Variants in KPNA4 observed in about 807,000 individuals in gnomAD.
KPNA4 encodes karyopherin subunit alpha 4.
Under a neutral mutation model 71.3 loss-of-function variants are expected in KPNA4, and 13 were observed. The observed-to-expected ratio is 0.18, with a 90% confidence interval of 0.12 to 0.29. The LOEUF is 0.29. Among genes scored for constraint, KPNA4 ranks in the 10% least tolerant of loss-of-function variants. The pLI is 1.00. For synonymous variants in KPNA4, 189 were observed against 195.2 expected, an observed-to-expected ratio of 0.97 and a Z score of 0.26; for missense variants, 334 against 603.2, an observed-to-expected ratio of 0.55 and a Z score of 4.67.
Position 160,516,161 on chromosome 3 carries a change from A to AT in KPNA4, c.904-582dup, listed in dbSNP as rs569910520. Among the ~76,000 whole-genome samples the AT allele has an allele frequency of 1.3e-4, 19 of 144,922 alleles. 1 individual carries two copies. The highest frequency in any genetic ancestry group is 4.4e-4 in the South Asian group (2 of 4,554). On this transcript the variant is annotated intron_variant, in intron 11 of 16. Transcript: ENST00000334256. ...GCCACCATACCTGGCTAATTCTGTAATTTTTTTTTTAGGAGAGATGGGGTT... is the reference window on the plus strand; with the variant it reads ...GCCACCATACCTGGCTAATTCTGTAATTTTTTTTTTTAGGAGAGATGGGGTT...
chr3:160,535,324 A>C (rs1721666306), intron 5 of KPNA4, among the ~76,000 whole-genome samples, 189 bp downstream of exon 5: 1 of 152,204 alleles, frequency 6.6e-6, no homozygotes. Flanking sequence ...AATTGTTTAA[A>C]AAACTGTCAC....
In KPNA4 at chr3:160,530,025, C is replaced by T. The variant is rs373104740; in HGVS notation, c.469+830G>A. Among the ~76,000 whole-genome samples, 5 of 147,502 alleles carry T rather than the reference C, an allele frequency of 3.4e-5. No individual in the cohort carries two copies. The East Asian group carries it at 1.0e-3, about 30-fold the overall frequency. ...TGGTGGGCGCCTGTAGCCCCAGGTA[C>T]TTGGGAGACGGAAGCAGGAGAATGG... On this transcript the variant is annotated intron_variant, in intron 7 of 16. Coordinates refer to ENST00000334256, the MANE Select transcript of KPNA4 (RefSeq NM_002268.5).
At chr3:160,513,804 C>T (rs192725784) in intron 13 of KPNA4, among the ~76,000 whole-genome samples, 31 of 152,014 alleles carry the variant, frequency 2.0e-4, no homozygotes, top group South Asian at 6.2e-4. Context: ...TCAACAGTAA[C>T]GATATGAAAG....
At chr3:160,556,896 C>T (rs902657140) in intron 1 of KPNA4, among the ~76,000 whole-genome samples, 1 of 152,186 alleles carries the variant, frequency 6.6e-6, no homozygotes, top group East Asian at 1.9e-4. Context: ...AAATGAACAT[C>T]TCCACATAAT....
intron 7 of KPNA4, among the ~76,000 whole-genome samples, chr3:160,529,329 A>AT (rs1375121144): frequency 6.6e-6 from 1 of 152,166 alleles, no homozygotes; most frequent in Non-Finnish European, 1.5e-5. Flanking sequence ...GAGAGCATAC[A>AT]TAACAGAAAG....
chr3:160,540,466 T>C (rs1379421659), intron 1 of KPNA4, among the ~76,000 whole-genome samples: 3 of 152,132 alleles, frequency 2.0e-5, no homozygotes, highest in African/African-American at 7.2e-5. Flanking sequence ...AATAAGAGAT[T>C]TGACAATCCC....
intron 1 of KPNA4, among the ~76,000 whole-genome samples, chr3:160,551,739 C>T (rs1722043400): frequency 6.6e-6 from 1 of 151,180 alleles, no homozygotes; most frequent in Non-Finnish European, 1.5e-5. Flanking sequence ...GCCTGAAATG[C>T]CTAGCTAATT....
At chr3:160,506,466 C>T (rs969761719) in intron 15 of KPNA4, among the ~76,000 whole-genome samples, 2 of 152,066 alleles carry the variant, frequency 1.3e-5, no homozygotes, top group African/African-American at 4.8e-5. Flanking sequence ...CCACTGTGCC[C>T]GGCCATAAAT....
In KPNA4 at chr3:160,531,509, T is replaced by C; in HGVS notation, c.336A>G (p.Lys112=). The C allele has an allele frequency of 6.3e-7, 1 of 1,591,860 alleles. No individual in the cohort carries two copies. The highest frequency in any genetic ancestry group is 8.6e-7 in the Non-Finnish European group (1 of 1,169,266). Residue 112 remains lysine, a synonymous_variant, in exon 6 of 17, where the codon AAA becomes AAG. Coordinates refer to ENST00000334256, the MANE Select transcript of KPNA4 (RefSeq NM_002268.5). ...GGACTAAAATGGGCAATATTCCAGA[T>C]TTTATTAAGTCATCAATTGGTGGAT... ...DRNPPIDDLI[K]SGILPILVHC...
chr3:160,500,723 TG>T lies in KPNA4; in HGVS notation c.*1380del, dbSNP rs1216018968. The T allele has an allele frequency of 6.6e-6, 1 of 152,604 alleles. No homozygotes were observed. Among genetic ancestry groups the T allele is most frequent in the East Asian group, 1.9e-4 (1 of 5,204 alleles). 9.5% of individuals were successfully genotyped at this position (152,604 alleles called of 1,614,324 possible). A position where few individuals can be genotyped will look rare whatever the true frequency, so the allele number is the denominator to read the frequency against. On this transcript the variant is annotated 3_prime_UTR_variant, in exon 17 of 17. Transcript: ENST00000334256. ...TAAGATAAAAAGATTCTAAAACAAT[TG>T]AACAGATTAGGCATATTATTAAAGG...
chr3:160,537,332 C>T (rs962712502), intron 1 of KPNA4, among the ~76,000 whole-genome samples: 3 of 151,492 alleles, frequency 2.0e-5, no homozygotes, highest in Non-Finnish European at 4.4e-5. Flanking sequence ...TCTATCTATC[C>T]TGTTTTTTAC....
chr3:160,518,068 A>T lies in KPNA4; in HGVS notation c.904-2488T>A, dbSNP rs560350705. ...TAGGGTCATAAAAATTTATGCCTGT[A>T]TTTTTCTTCTAAGAGGTTTAAATTT... On this transcript the variant is annotated intron_variant, in intron 11 of 16. Transcript: ENST00000334256. 1.2e-4 allele frequency among the ~76,000 whole-genome samples: 18 copies of T among 147,018 alleles called. No homozygotes were observed. The South Asian group carries it at 3.6e-3, about 30-fold the overall frequency.
rs1392715614 is a variant in KPNA4 at position 160,497,831 on chromosome 3, A to C, written c.*4273T>G. On this transcript the variant is annotated 3_prime_UTR_variant, in exon 17 of 17. Transcript: ENST00000334256. ...CCAAACCCGAGGAGTTAACAATTAA[A>C]GTTGGCCTATTTATAGTTCACTTTA... 2 of 152,196 alleles carry C rather than the reference A, an allele frequency of 1.3e-5. No homozygotes were observed. 9.4% of individuals were successfully genotyped at this position (152,196 alleles called of 1,614,324 possible). A position where few individuals can be genotyped will look rare whatever the true frequency, so the allele number is the denominator to read the frequency against.
At chr3:160,519,868 C>T (rs889124203) in intron 11 of KPNA4, among the ~76,000 whole-genome samples, 70 of 148,694 alleles carry the variant, frequency 4.7e-4, no homozygotes, top group Non-Finnish European at 9.2e-4. Flanking sequence ...AAAATGATAT[C>T]TGGAATTTGT....
In KPNA4 at chr3:160,565,547, TGA is replaced by T. The variant is rs903947571; in HGVS notation, c.-267_-266del. The T allele has an allele frequency of 3.9e-6, 2 of 518,162 alleles. No individual in the cohort carries two copies. The highest frequency in any genetic ancestry group is 2.1e-5 in the African/African-American group (1 of 48,584). 32.1% of individuals were successfully genotyped at this position (518,162 alleles called of 1,614,324 possible). On this transcript the variant is annotated 5_prime_UTR_variant, in exon 1 of 17. Coordinates refer to ENST00000334256, the MANE Select transcript of KPNA4 (RefSeq NM_002268.5). Reference sequence around the variant, plus strand: ...CAAGGCGACGGAATGTGCTGCCGGCTGAGAGGGGGAGGCAGCCTCGATCTGAG... The same window carrying T: ...CAAGGCGACGGAATGTGCTGCCGGCTGAGGGGGAGGCAGCCTCGATCTGAG...
rs1720867992 is a variant in KPNA4 at position 160,501,069 on chromosome 3, G to A, written c.*1035C>T. ...CATTTTACTGTTTTATACTATTATG[G>A]CAACTTGTGTACTGCAACACAGTCT... is the stretch of plus-strand genomic sequence containing the variant. On this transcript the variant is annotated 3_prime_UTR_variant, in exon 17 of 17. Coordinates refer to ENST00000334256, the MANE Select transcript of KPNA4 (RefSeq NM_002268.5). 1 of 152,264 alleles carries A rather than the reference G, an allele frequency of 6.6e-6. No homozygotes were observed. The highest frequency in any genetic ancestry group is 2.1e-4 in the South Asian group (1 of 4,814). 9.4% of individuals were successfully genotyped at this position (152,264 alleles called of 1,614,324 possible).
chr3:160,504,624 A>G (rs933388332), intron 16 of KPNA4, among the ~76,000 whole-genome samples: 1 of 152,208 alleles, frequency 6.6e-6, no homozygotes, highest in Non-Finnish European at 1.5e-5. Context: ...TTATTACAGG[A>G]TATACTAGTA....
intron 11 of KPNA4, among the ~76,000 whole-genome samples, chr3:160,516,133 C>T (rs147628825): frequency 0.03 from 4,528 of 151,960 alleles, 229 homozygotes; most frequent in African/African-American, 0.1. Context: ...ATTACAGGCG[C>T]GTGCCACCAT....
At chr3:160,544,887 T>C (rs1721875089) in intron 1 of KPNA4, among the ~76,000 whole-genome samples, 1 of 152,132 alleles carries the variant, frequency 6.6e-6, no homozygotes, top group African/African-American at 2.4e-5. Context: ...TATAAGAACA[T>C]AATAAACTCA....
Sources: gnomAD v4.1 joint callset for allele counts (sites outside exome capture counted in the v4.1 genomes callset) on GRCh38, gnomAD v4.1.1 for gene constraint, MANE v1.5 for transcripts, NCBI Gene and HGNC (gene_info 2026-07-23, HGNC 2026-07-21) for gene names.